The following PDIA6 variants were observed in gnomAD, a reference collection of about 807,000 sequenced individuals.
PDIA6 encodes protein disulfide-isomerase A6.
Under a neutral mutation model 58.4 loss-of-function variants are expected in PDIA6, and 29 were observed. The observed-to-expected ratio is 0.50, with a 90% CI of 0.37 to 0.68. The LOEUF (loss-of-function observed/expected upper bound fraction) is 0.68, where lower values mean the gene tolerates loss of function less well. PDIA6 is among the 30% of genes least tolerant of loss of function. The probability of loss-of-function intolerance (pLI) is 0.00; values close to 1 mark genes in which losing one functional copy is unlikely to be tolerated. For synonymous variants in PDIA6, 192 were observed against 202.6 expected, an observed-to-expected ratio of 0.95 and a Z score of 0.44; for missense variants, 480 against 551.0, an observed-to-expected ratio of 0.87 and a Z score of 1.29.
rs371405400 is a variant in PDIA6 at position 10,829,889 on chromosome 2, C to T, written c.-48+2313G>A. Among the ~76,000 whole-genome samples the T allele has an allele frequency of 2.6e-5, 4 of 152,302 alleles. No individual in the cohort carries two copies. The South Asian group carries it at 6.2e-4, about 24-fold the overall frequency. On this transcript the variant is annotated intron_variant, in intron 1 of 13. Transcript: ENST00000381611. ...GGCATAAATCAAACCTCAGCTTCTC[C>T]GTGGCGGCACTGTGAAGTCCACATG...
intron 11 of PDIA6, among the ~76,000 whole-genome samples, chr2:10,785,916 G>A (rs147991092): frequency 6.6e-6 from 1 of 152,144 alleles, no homozygotes; most frequent in African/African-American, 2.4e-5. Flanking sequence ...GTCTCACCGT[G>A]GTGGCCAGCC....
intron 7 of PDIA6, 66 bp from the exon 8 acceptor site, chr2:10,789,955 A>G (rs1424693488): frequency 6.9e-7 from 1 of 1,454,798 alleles, no homozygotes; most frequent in Non-Finnish European, 9.5e-7. Flanking sequence ...CAATCTTTAC[A>G]GTTTCTAAAA....
At chr2:10,789,033 C>T in intron 8 of PDIA6, 52 bp from the exon 9 acceptor site, 1 of 1,345,112 alleles carries the variant, frequency 7.4e-7, no homozygotes, top group Non-Finnish European at 1.1e-6. Flanking sequence ...GATACAACAC[C>T]TAAAGGTAAG....
chr2:10,824,197 C>T (rs953690069), intron 1 of PDIA6, among the ~76,000 whole-genome samples: 1 of 151,502 alleles, frequency 6.6e-6, no homozygotes, highest in African/African-American at 2.4e-5. Context: ...CAGGAGGAGA[C>T]ACTCACACCT....
In PDIA6 at chr2:10,812,785, C is replaced by T. The variant is rs529192569; in HGVS notation, c.-89G>A. On this transcript the variant is annotated 5_prime_UTR_variant, in exon 1 of 13. Coordinates refer to ENST00000272227, the MANE Select transcript of PDIA6 (RefSeq NM_005742.4). ...ACGCCGCGCCCCCGCGCCCACGTCC[C>T]GCCCCAGGCCAGTCCGGTGGTCCGA... The T allele has an allele frequency of 7.9e-6, 10 of 1,261,254 alleles. No individual in the cohort carries two copies. The East Asian group carries it at 3.1e-4, about 39-fold the overall frequency. The allele number at this position is 1,261,254 out of a possible 1,614,324, so 78.1% of individuals were successfully genotyped here.
At chr2:10,816,525 T>TC (rs1491267473), upstream of PDIA6, among the ~76,000 whole-genome samples, 1 of 148,664 alleles carries the variant, frequency 6.7e-6, no homozygotes, top group Non-Finnish European at 1.5e-5. Context: ...TTTTGTGCTT[T>TC]CTTTTTTTTT....
upstream of PDIA6, among the ~76,000 whole-genome samples, chr2:10,834,918 C>A (rs1667797583): frequency 6.6e-6 from 1 of 152,046 alleles, no homozygotes; most frequent in African/African-American, 2.4e-5. Flanking sequence ...AGGCACGCAC[C>A]ACCATGTCCG....
Position 10,803,911 on chromosome 2 carries a change from G to GTTTTTTTTTTT in PDIA6, c.20-1282_20-1272dup, listed in dbSNP as rs754643092. On this transcript the variant is annotated intron_variant, in intron 1 of 12. Transcript: ENST00000272227. ...TGCGTGTTTGTGTCCTAGTTTTTGT[G>GTTTTTTTTTTT]TTTTTTTTTTTTTTTGAGACAGAGT... 7.1e-3 allele frequency among the ~76,000 whole-genome samples: 832 copies of GTTTTTTTTTTT among 117,812 alleles called. 39 individuals carry two copies. The highest frequency in any genetic ancestry group is 0.011 in the Middle Eastern group (2 of 186). 77.3% of individuals were successfully genotyped at this position (117,812 alleles called of 152,430 possible). A position where few individuals can be genotyped will look rare whatever the true frequency, so the allele number is the denominator to read the frequency against.
chr2:10,830,228 T>G (rs960602096), intron 1 of PDIA6, among the ~76,000 whole-genome samples: 1 of 152,234 alleles, frequency 6.6e-6, no homozygotes, highest in Non-Finnish European at 1.5e-5. Flanking sequence ...CTGGGCTGTG[T>G]CCCAGCTCCT....
In PDIA6 at chr2:10,825,612, T is replaced by C. The variant is rs148792250; in HGVS notation, c.-47-6258A>G. On this transcript the variant is annotated intron_variant, in intron 1 of 13. Coordinates refer to the PDIA6 transcript ENST00000381611. ...ACTAGTATCTAGAATGTATAAGGAA[T>C]GATTACAACTCAATAATAAGAAGAC... Among the ~76,000 whole-genome samples the C allele has an allele frequency of 6.0e-3, 910 of 152,300 alleles. 9 individuals are homozygous for C. Among genetic ancestry groups the C allele is most frequent in the African/African-American group, 0.02 (838 of 41,552 alleles).
At chr2:10,816,328 CACCCGTCTCG>C (rs2148571309), upstream of PDIA6, among the ~76,000 whole-genome samples, 2 of 151,704 alleles carry the variant, frequency 1.3e-5, no homozygotes, top group African/African-American at 4.8e-5. Context: ...CAGGGTGATC[CACCCGTCTCG>C]ACCTCCCAAA....
rs148675677 is a variant in PDIA6, at chr2:10,784,458, C to A, written c.1255-132G>T. The A allele has an allele frequency of 2.4e-3, 1,507 of 636,914 alleles. 9 individuals are homozygous for A. The highest frequency in any genetic ancestry group is 6.1e-3 in the Middle Eastern group (15 of 2,446). The allele number at this position is 636,914 out of a possible 1,614,324, so 39.5% of individuals were successfully genotyped here. On this transcript the variant is annotated intron_variant, in intron 12 of 12. Coordinates refer to ENST00000272227, the MANE Select transcript of PDIA6 (RefSeq NM_005742.4). ...ATCCAGGTTCTCCTCAGTCTGACTC[C>A]TACCCTGACCTTCGTACCTATGATT...
chr2:10,808,721 T>C (rs542693670), intron 1 of PDIA6, among the ~76,000 whole-genome samples: 1 of 152,322 alleles, frequency 6.6e-6, no homozygotes, highest in African/African-American at 2.4e-5. Context: ...TAACAGGTTA[T>C]CCAGCATGAT....
chr2:10,817,831 G>A (rs1300510271), intron 2 of PDIA6, among the ~76,000 whole-genome samples: 1 of 152,228 alleles, frequency 6.6e-6, no homozygotes, highest in African/African-American at 2.4e-5. Context: ...TGTTACTTTA[G>A]AGAGAAGATT....
rs1465981838 is a variant in PDIA6 at position 10,823,624 on chromosome 2, C to A, written c.-47-4270G>T. On this transcript the variant is annotated intron_variant, in intron 1 of 13. Coordinates refer to the PDIA6 transcript ENST00000381611. Reference sequence around the variant, plus strand: ...TCAAAATCTGCTGACATTTTTCCCACTTTCTCACAATTGCCACCACCTTGG... The same window carrying A: ...TCAAAATCTGCTGACATTTTTCCCAATTTCTCACAATTGCCACCACCTTGG... 2.6e-5 allele frequency among the ~76,000 whole-genome samples: 4 copies of A among 152,254 alleles called. No individual in the cohort carries two copies. The South Asian group carries it at 8.3e-4, about 31-fold the overall frequency.
intron 2 of PDIA6, chr2:10,819,166 C>A (rs56321198): frequency 0.13 from 86,623 of 651,252 alleles, 6,625 homozygotes; most frequent in Non-Finnish European, 0.16. Context: ...TATGACTAGA[C>A]CTCATTTTGT....
At chr2:10,799,012 G>A (rs1666390016) in intron 2 of PDIA6, among the ~76,000 whole-genome samples, 1 of 149,692 alleles carries the variant, frequency 6.7e-6, no homozygotes, top group Non-Finnish European at 1.5e-5. Context: ...AATGACTGAG[G>A]TGGGGGGAGG....
intron 1 of PDIA6, chr2:10,823,282 A>G (rs1318787409): frequency 6.6e-6 from 1 of 152,260 alleles, no homozygotes; most frequent in Non-Finnish European, 1.5e-5. Flanking sequence ...CTTGGGATAT[A>G]GCAGCTGCTT....
intron 2 of PDIA6, among the ~76,000 whole-genome samples, chr2:10,799,475 T>C (rs1242141105): frequency 2.0e-5 from 3 of 152,202 alleles, no homozygotes; most frequent in Non-Finnish European, 2.9e-5. Flanking sequence ...AGCCATCCAG[T>C]GTCAGAGCTG....
Sources: gnomAD v4.1 joint callset for allele counts (sites outside exome capture counted in the v4.1 genomes callset) on GRCh38, gnomAD v4.1.1 for gene constraint, MANE v1.5 for transcripts, NCBI Gene and HGNC (gene_info 2026-07-23, HGNC 2026-07-21) for gene names.